ABCC4: variants seen among roughly 807,000 people sequenced by gnomAD.
The protein encoded by ABCC4 is ATP-binding cassette sub-family C member 4.
In ABCC4, 102 loss-of-function variants were observed where a neutral mutation model predicts 168.5. The observed-to-expected ratio is 0.61, with a 90% CI of 0.52 to 0.71. ABCC4 has a LOEUF of 0.71. Among genes scored for constraint, ABCC4 ranks in the 30% least tolerant of loss-of-function variants. ABCC4 has a pLI of 0.00. For missense variants in ABCC4, 1,402 were observed against 1,605.8 expected (o/e 0.87, Z 2.17); for synonymous variants, 617 against 590.7 (o/e 1.04, Z -0.65).
At chr13:95,222,565 C>G (rs78634467) in intron 4 of ABCC4, among the ~76,000 whole-genome samples, 1 of 152,170 alleles carries the variant, frequency 6.6e-6, no homozygotes, top group South Asian at 2.1e-4. Flanking sequence ...GGCTGATGCG[C>G]GGGCACAGGT....
At position 95,164,409 on chromosome 13, in the gene ABCC4, A is replaced by G; in HGVS notation, c.2144T>C (p.Ile715Thr). 1 of 1,614,208 alleles carries G rather than the reference A, an allele frequency of 6.2e-7. No individual in the cohort carries two copies. The highest frequency in any genetic ancestry group is 1.3e-5 in the African/African-American group (1 of 75,058). Residue 715 changes from isoleucine to threonine, a missense_variant, in exon 16 of 31, where the codon ATT becomes ACT. Coordinates refer to ENST00000645237, the MANE Select transcript of ABCC4 (RefSeq NM_005845.5). ...FRAGAHWIVF[I>T]FLILLNTAAQ... Reference sequence around the variant, plus strand: ...TGCAGTGTTTAGGAGAATAAGGAAAATGAAGACAATCCAGTGAGCACCAGC... The same window carrying G: ...TGCAGTGTTTAGGAGAATAAGGAAAGTGAAGACAATCCAGTGAGCACCAGC...
chr13:95,080,320 C>G (rs2034047896), intron 21 of ABCC4, among the ~76,000 whole-genome samples: 1 of 152,186 alleles, frequency 6.6e-6, no homozygotes, highest in Non-Finnish European at 1.5e-5. Flanking sequence ...TTATGTACTT[C>G]TCTATGACTG....
intron 1 of ABCC4, among the ~76,000 whole-genome samples, chr13:95,282,257 G>T (rs1243539283): frequency 5.3e-5 from 8 of 152,142 alleles, no homozygotes; most frequent in Admixed American, 2.0e-4. Context: ...GGGTGATAAA[G>T]GAGCAGGTCC....
chr13:95,096,145 G>T, intron 20 of ABCC4: 1 of 638,728 alleles, frequency 1.6e-6, no homozygotes, highest in South Asian at 1.8e-5. Flanking sequence ...CTAGGAGTTT[G>T]AGACCAGCCA....
chr13:95,172,004 T>G (rs2037494033), intron 13 of ABCC4, among the ~76,000 whole-genome samples: 1 of 152,214 alleles, frequency 6.6e-6, no homozygotes, highest in Admixed American at 6.5e-5. Flanking sequence ...AAGGGAGATG[T>G]TAATGATCAA....
intron 20 of ABCC4, among the ~76,000 whole-genome samples, chr13:95,113,087 C>T (rs1191944314): frequency 1.3e-5 from 2 of 152,296 alleles, no homozygotes; most frequent in East Asian, 1.9e-4. Flanking sequence ...TAACATCAGG[C>T]TTCCTGTATG....
intron 30 of ABCC4, among the ~76,000 whole-genome samples, chr13:95,031,315 ACT>A (rs1323714482): frequency 1.3e-5 from 2 of 152,228 alleles, no homozygotes; most frequent in Admixed American, 6.5e-5. Flanking sequence ...AAATTCTGCC[ACT>A]GTGTGAATTT....
chr13:95,159,131 A>G (rs1446202685), intron 19 of ABCC4, among the ~76,000 whole-genome samples: 3 of 130,320 alleles, frequency 2.3e-5, no homozygotes, highest in Non-Finnish European at 3.3e-5. Context: ...ATATATATAT[A>G]TAACTATTGA....
intron 1 of ABCC4, among the ~76,000 whole-genome samples, chr13:95,286,085 GCCTTGTTGCT>G (rs972613573): frequency 1.9e-4 from 28 of 149,704 alleles, no homozygotes; most frequent in African/African-American, 3.9e-4. Context: ...GGCAATTTCA[GCCTTGTTGCT>G]CTGCTGTGAA....
At chr13:95,296,610 T>G (rs2041541753) in intron 1 of ABCC4, among the ~76,000 whole-genome samples, 1 of 152,174 alleles carries the variant, frequency 6.6e-6, no homozygotes, top group Admixed American at 6.5e-5. Context: ...GTGGGCCAGA[T>G]GCATCTGGAG....
intron 4 of ABCC4, among the ~76,000 whole-genome samples, chr13:95,215,220 C>T (rs908899602): frequency 2.0e-5 from 3 of 151,806 alleles, no homozygotes; most frequent in Non-Finnish European, 4.4e-5. Context: ...CAGGAGTTCG[C>T]GACCAGCCTG....
At chr13:95,187,867 C>T (rs1468312754) in intron 10 of ABCC4, among the ~76,000 whole-genome samples, 3 of 152,122 alleles carry the variant, frequency 2.0e-5, no homozygotes, top group Non-Finnish European at 2.9e-5. Context: ...TCTGTGCCCC[C>T]CACTATCAGA....
At chr13:95,189,014 T>C (rs897799207) in intron 9 of ABCC4, among the ~76,000 whole-genome samples, 6 of 152,090 alleles carry the variant, frequency 3.9e-5, no homozygotes, top group African/African-American at 1.4e-4. Context: ...CTGCATGCAT[T>C]ATGTATTTGT....
chr13:95,295,008 T>A (rs1235404548), intron 1 of ABCC4, among the ~76,000 whole-genome samples: 1 of 151,804 alleles, frequency 6.6e-6, no homozygotes, highest in Non-Finnish European at 1.5e-5. Context: ...CACTCAAATG[T>A]TTGCTAAATG....
chr13:95,164,628 T>C (rs2139555676), intron 15 of ABCC4, 110 bp from the exon 16 acceptor site: 1 of 1,157,668 alleles, frequency 8.6e-7, no homozygotes. Context: ...AAGTCCAAAA[T>C]GATCCATCTC....
At chr13:95,041,503 T>A (rs1450053048) in intron 29 of ABCC4, among the ~76,000 whole-genome samples, 2 of 152,172 alleles carry the variant, frequency 1.3e-5, no homozygotes, top group African/African-American at 4.8e-5. Context: ...ATGATGACAA[T>A]AGTGTTGGTT....
chr13:95,279,155 AT>A (rs1386299395), intron 1 of ABCC4, among the ~76,000 whole-genome samples: 1 of 152,204 alleles, frequency 6.6e-6, no homozygotes, highest in Non-Finnish European at 1.5e-5. Flanking sequence ...AAAGAAATCC[AT>A]TTCTGTAGCA....
intron 19 of ABCC4, among the ~76,000 whole-genome samples, chr13:95,119,789 T>C (rs954889140): frequency 6.6e-6 from 1 of 152,216 alleles, no homozygotes; most frequent in Non-Finnish European, 1.5e-5. Context: ...TTTGCATTGA[T>C]ACATATTTTA....
At chr13:95,290,238 T>G (rs7330673) in intron 1 of ABCC4, among the ~76,000 whole-genome samples, 36,562 of 151,982 alleles carry the variant, frequency 0.24, 4,988 homozygotes, top group African/African-American at 0.37. Context: ...TTTTTATGGC[T>G]GTCCAGGTGA....
Sources: gnomAD v4.1 joint callset for allele counts (sites outside exome capture counted in the v4.1 genomes callset) on GRCh38, gnomAD v4.1.1 for gene constraint, MANE v1.5 for transcripts, NCBI Gene and HGNC (gene_info 2026-07-23, HGNC 2026-07-21) for gene names.